ZNF445: variants seen among roughly 807,000 people sequenced by gnomAD.
The protein encoded by ZNF445 is zinc finger protein 445.
In ZNF445, 19 loss-of-function variants were observed where a neutral mutation model predicts 93.9. The observed-to-expected ratio is 0.20, with a 90% CI of 0.14 to 0.30. The LOEUF (loss-of-function observed/expected upper bound fraction) is 0.30, where lower values mean the gene tolerates loss of function less well. ZNF445 is among the 10% of genes least tolerant of loss of function. The pLI is 1.00. For synonymous variants in ZNF445, 449 were observed against 446.3 expected, an observed-to-expected ratio of 1.01 and a Z score of -0.08; for missense variants, 1,058 against 1,259.4, an observed-to-expected ratio of 0.84 and a Z score of 2.42.
chr3:44,471,873 G>A, intron 1 of ZNF445, among the ~76,000 whole-genome samples: 1 of 151,942 alleles, frequency 6.6e-6, no homozygotes, highest in Non-Finnish European at 1.5e-5. Context: ...AAAAAAAAGG[G>A]AAAATGAAAG....
Position 44,448,049 on chromosome 3 carries a change from T to C in ZNF445, c.1622A>G (p.Tyr541Cys), listed in dbSNP as rs1213031991. The change falls in exon 8 of 8, where the codon TAT (tyrosine) becomes TGT (cysteine). Residue 541 changes from tyrosine to cysteine, a missense_variant. Around this residue, in one of 3 missense-constraint regions of ZNF445, gnomAD observed 657 missense variants for 746.4 expected, o/e 0.88. Transcript: ENST00000396077. ...HEKIHTGVKP[Y>C]KCDLCEKAFR... ...AGCTTTCTCACATAAATCGCATTTA[T>C]AAGGCTTCACTCCAGTGTGAATTTT... 6.2e-7 allele frequency: 1 copy of C among 1,611,986 alleles called. No homozygotes were observed. The highest frequency in any genetic ancestry group is 1.3e-5 in the African/African-American group (1 of 74,920).
At chr3:44,457,644 G>C (rs1347597867) in intron 2 of ZNF445, among the ~76,000 whole-genome samples, 2 of 152,078 alleles carry the variant, frequency 1.3e-5, no homozygotes, top group African/African-American at 2.4e-5. Flanking sequence ...GGAGCAATTG[G>C]ACATCTAAAA....
At position 44,476,672 on chromosome 3, in the gene ZNF445, C is replaced by G. The variant is rs542493865; in HGVS notation, c.-269+919G>C. The stretch of plus-strand genomic sequence containing the variant: ...TTTAAATTCGGAAGGAGACAATACT[C>G]TGATCTCTTAGGCCTGTGCAAGTCA... On this transcript the variant is annotated intron_variant, in intron 1 of 7. Transcript: ENST00000396077. Among the ~76,000 whole-genome samples the G allele has an allele frequency of 2.6e-5, 4 of 152,336 alleles. No homozygotes were observed. The East Asian group carries it at 7.7e-4, about 29-fold the overall frequency.
chr3:44,447,580 A>T lies in ZNF445; in HGVS notation c.2091T>A (p.Val697=). 6.2e-7 allele frequency: 1 copy of T among 1,614,190 alleles called. No homozygotes were observed. Among genetic ancestry groups the T allele is most frequent in the Non-Finnish European group, 8.5e-7 (1 of 1,180,034 alleles). ...CACCTGTGTGAATTCTCTGGTGGTC[A>T]ACGAGAGTTTTCTTTCTAGTAAAAG... The part of the protein sequence containing the change: ...GKTFTRKKTL[V]DHQRIHTGEK... The change falls in exon 8 of 8, where the codon GTT becomes GTA. Residue 697 remains valine (V), a synonymous_variant. Transcript: ENST00000396077. The surrounding 1 kb of genome is among the most constrained non-coding windows in gnomAD (Gnocchi z 4.7).
At position 44,446,890 on chromosome 3, in the gene ZNF445, G is replaced by A. The variant is rs754901821; in HGVS notation, c.2781C>T (p.Ser927=). 1.2e-6 allele frequency: 2 copies of A among 1,614,148 alleles called. No homozygotes were observed. Among genetic ancestry groups the A allele is most frequent in the African/African-American group, 2.7e-5 (2 of 75,034 alleles). The change falls in exon 8 of 8, where the codon AGC becomes AGT. Residue 927 remains serine, a synonymous_variant. Coordinates refer to ENST00000396077, the MANE Select transcript of ZNF445 (RefSeq NM_181489.6). The surrounding 1 kb of genome is among the most constrained non-coding windows in gnomAD (Gnocchi z 4.2). ...KHTRAAQAER[S]PPARSSSQDT... ...CCTGAGAGGAAGACCGTGCAGGCGG[G>A]CTACGTTCAGCCTGTGCTGCTCTGG...
chr3:44,464,409 A>G lies in ZNF445; in HGVS notation c.-268-6045T>C, dbSNP rs1336570928. 2.6e-5 allele frequency among the ~76,000 whole-genome samples: 4 copies of G among 152,352 alleles called. No homozygotes were observed. The East Asian group carries it at 7.7e-4, about 29-fold the overall frequency. On this transcript the variant is annotated intron_variant, in intron 1 of 7. Transcript: ENST00000396077. ...AGGGCTGAATCTTCTGTGTATTTCT[A>G]TATGTTGTATGTTTATATACAAAAG...
At position 44,447,772 on chromosome 3, in the gene ZNF445, G is replaced by A. The variant is rs193072142; in HGVS notation, c.1899C>T (p.Thr633=). Residue 633 remains threonine (T), a synonymous_variant, in exon 8 of 8, where the codon ACC becomes ACT. Transcript: ENST00000396077. This position sits in a 1 kb window ranked among gnomAD's most constrained non-coding sequence, Gnocchi z 4.7. ...KPYKCTKCRK[T]FRWRSNFTRH... is the part of the protein sequence containing the mutation. Reference sequence around the variant, plus strand: ...GAGTAAAGTTTGATCTCCATCTAAAGGTTTTCCTACATTTGGTACATTTAT... The same window carrying A: ...GAGTAAAGTTTGATCTCCATCTAAAAGTTTTCCTACATTTGGTACATTTAT... 1.8e-4 allele frequency: 293 copies of A among 1,614,062 alleles called. 2 individuals carry two copies. In the East Asian group the frequency reaches 6.2e-3, roughly 34 times the overall value.
At chr3:44,454,875 G>A in intron 3 of ZNF445, 1 of 549,006 alleles carries the variant, frequency 1.8e-6, no homozygotes, top group Non-Finnish European at 3.3e-6. Flanking sequence ...AGAAGTTGCT[G>A]TTATTTATGG....
At chr3:44,457,788 G>T (rs773784459) in intron 2 of ZNF445, among the ~76,000 whole-genome samples, 3 of 151,960 alleles carry the variant, frequency 2.0e-5, no homozygotes, top group African/African-American at 7.3e-5. Flanking sequence ...GGATCACGAG[G>T]TCAGAAGTTT....
intron 1 of ZNF445, among the ~76,000 whole-genome samples, chr3:44,458,771 T>C (rs1698066862): frequency 6.6e-6 from 1 of 152,158 alleles, no homozygotes; most frequent in Admixed American, 6.6e-5. Context: ...TCTTCCCCCT[T>C]TTCTGTCTTT....
chr3:44,444,489 C>T lies in ZNF445; in HGVS notation c.*2086G>A, dbSNP rs1364746036. 3 of 152,306 alleles carry T rather than the reference C, an allele frequency of 2.0e-5. No homozygotes were observed. The highest frequency in any genetic ancestry group is 7.2e-5 in the African/African-American group (3 of 41,454). The allele number at this position is 152,306 out of a possible 1,614,324, so 9.4% of individuals were successfully genotyped here. A position where few individuals can be genotyped will look rare whatever the true frequency, so the allele number is the denominator to read the frequency against. ...AAGAAAAGGCACACCATGCCTGGAACCCAGATCTGATGACTCCAAGACCCT... is the reference window on the plus strand; with the variant it reads ...AAGAAAAGGCACACCATGCCTGGAATCCAGATCTGATGACTCCAAGACCCT... On this transcript the variant is annotated 3_prime_UTR_variant, in exon 8 of 8. Coordinates refer to ENST00000396077, the MANE Select transcript of ZNF445 (RefSeq NM_181489.6).
chr3:44,457,269 ATTT>A (rs57442094), intron 2 of ZNF445, among the ~76,000 whole-genome samples: 1 of 149,514 alleles, frequency 6.7e-6, no homozygotes, highest in African/African-American at 2.5e-5. Flanking sequence ...CACCCAACTG[ATTT>A]TTTTTTTCTT....
In ZNF445 at chr3:44,472,064, G is replaced by A. The variant is rs540385712; in HGVS notation, c.-269+5527C>T. 3.9e-5 allele frequency among the ~76,000 whole-genome samples: 6 copies of A among 152,184 alleles called. No individual in the cohort carries two copies. The East Asian group carries it at 1.2e-3, about 29-fold the overall frequency. On this transcript the variant is annotated intron_variant, in intron 1 of 7. Transcript: ENST00000396077. Reference sequence around the variant, plus strand: ...ACAGAAAAAGAAGAGAGACTTTCATGGCCAAACTTGCAGAACAGACAGAAG... The same window carrying A: ...ACAGAAAAAGAAGAGAGACTTTCATAGCCAAACTTGCAGAACAGACAGAAG...
At position 44,463,232 on chromosome 3, in the gene ZNF445, T is replaced by G. The variant is rs150724748; in HGVS notation, c.-268-4868A>C. Among the ~76,000 whole-genome samples the G allele has an allele frequency of 8.9e-4, 135 of 152,282 alleles. No homozygotes were observed. The East Asian group carries it at 0.021, about 24-fold the overall frequency. On this transcript the variant is annotated intron_variant, in intron 1 of 7. Coordinates refer to ENST00000396077, the MANE Select transcript of ZNF445 (RefSeq NM_181489.6). ...TTGTATTTTTAGTAGAGATGGGGTT[T>G]CACCATGTTGCTAGGTTGGTCTTGA...
In ZNF445 at chr3:44,447,793, T is replaced by C. The variant is rs764002109; in HGVS notation, c.1878A>G (p.Lys626=). The C allele has an allele frequency of 1.2e-6, 2 of 1,614,084 alleles. No individual in the cohort carries two copies. Among genetic ancestry groups the C allele is most frequent in the Non-Finnish European group, 8.5e-7 (1 of 1,180,020 alleles). ...TAAAGGTTTTCCTACATTTGGTACATTTATAGGGCTTCTCCTGGGTGTGAA... is the reference window on the plus strand; with the variant it reads ...TAAAGGTTTTCCTACATTTGGTACACTTATAGGGCTTCTCCTGGGTGTGAA... ...QRIHTQEKPY[K]CTKCRKTFRW... Residue 626 remains lysine, a synonymous_variant, in exon 8 of 8, where the codon AAA becomes AAG. Coordinates refer to ENST00000396077, the MANE Select transcript of ZNF445 (RefSeq NM_181489.6). This position sits in a 1 kb window ranked among gnomAD's most constrained non-coding sequence, Gnocchi z 4.7.
At chr3:44,457,084 C>T (rs982630877) in intron 2 of ZNF445, among the ~76,000 whole-genome samples, 4 of 152,146 alleles carry the variant, frequency 2.6e-5, no homozygotes, top group South Asian at 2.1e-4. Context: ...GAGACAAGAT[C>T]GTGGCACTGC....
Position 44,442,678 on chromosome 3 carries a change from G to A in ZNF445, c.*3897C>T, listed in dbSNP as rs917246605. 6.6e-6 allele frequency: 1 copy of A among 152,222 alleles called. No homozygotes were observed. Among genetic ancestry groups the A allele is most frequent in the African/African-American group, 2.4e-5 (1 of 41,444 alleles). 9.4% of individuals were successfully genotyped at this position (152,222 alleles called of 1,614,324 possible). A position where few individuals can be genotyped will look rare whatever the true frequency, so the allele number is the denominator to read the frequency against. ...CAAGGGAGTGGGGGAAAGGTGGGAA[G>A]GGTTGGAAGGAAACTGAATGTTCTC... On this transcript the variant is annotated 3_prime_UTR_variant, in exon 8 of 8. Coordinates refer to ENST00000396077, the MANE Select transcript of ZNF445 (RefSeq NM_181489.6).
At chr3:44,450,722 G>A (rs1697945266) in intron 5 of ZNF445, 146 bp downstream of exon 5, 3 of 1,297,612 alleles carry the variant, frequency 2.3e-6, no homozygotes, top group Non-Finnish European at 2.1e-6. Flanking sequence ...AAGACCTCTG[G>A]GCTTGAGGGG....
chr3:44,472,988 G>A (rs1177593770), intron 1 of ZNF445, among the ~76,000 whole-genome samples: 3 of 152,120 alleles, frequency 2.0e-5, no homozygotes, highest in African/African-American at 7.2e-5. Flanking sequence ...ATTTTTCAAG[G>A]AGATTTTCTT....
Sources: allele counts gnomAD v4.1 joint callset (sites outside exome capture counted in the v4.1 genomes callset), GRCh38; gene constraint gnomAD v4.1.1; regional missense constraint gnomAD v4.1.1; non-coding constraint Gnocchi (gnomAD v3.1); transcripts MANE v1.5; gene names NCBI Gene and HGNC (gene_info 2026-07-23, HGNC 2026-07-21).